The following ATP13A4 variants were observed in gnomAD, a reference collection of about 807,000 sequenced individuals.
The protein encoded by ATP13A4 is ATPase 13A4.
In ATP13A4, 114 loss-of-function variants were observed where a neutral mutation model predicts 142.5. The observed-to-expected ratio is 0.80, with a 90% CI of 0.69 to 0.93. The LOEUF (loss-of-function observed/expected upper bound fraction) is 0.93, where lower values mean the gene tolerates loss of function less well. Among genes scored for constraint, ATP13A4 ranks in the 40% least tolerant of loss-of-function variants. The pLI is 0.00. For synonymous variants in ATP13A4, 488 were observed against 514.8 expected (o/e 0.95, Z 0.70); for missense variants, 1,392 against 1,454.0 (o/e 0.96, Z 0.69).
Position 193,493,129 on chromosome 3 carries a change from T to G in ATP13A4, c.413A>C (p.Tyr138Ser). Reference protein sequence around the residue: ...VRCIKVQKIRYVWNYLEGQFQ... With the variant: ...VRCIKVQKIRSVWNYLEGQFQ... ...CTGTCCTTCTAAGTAGTTCCAAACA[T>G]ATCTTATTTTCTGCACTTTGATGCA... Residue 138 changes from tyrosine (Y) to serine (S), a missense_variant, in exon 4 of 30, where the codon TAT becomes TCT. Transcript: ENST00000342695. 1 of 1,613,252 alleles carries G rather than the reference T, an allele frequency of 6.2e-7. No individual in the cohort carries two copies. The highest frequency in any genetic ancestry group is 8.5e-7 in the Non-Finnish European group (1 of 1,179,642).
intron 1 of ATP13A4, 47 bp downstream of exon 1, chr3:193,554,693 A>G: frequency 6.4e-7 from 1 of 1,558,158 alleles, no homozygotes; most frequent in Non-Finnish European, 8.8e-7. Context: ...TGTGTCTCGC[A>G]GGCTGAGAAG....
intron 2 of ATP13A4, among the ~76,000 whole-genome samples, chr3:193,565,373 G>A (rs1398381911): frequency 1.3e-5 from 2 of 152,078 alleles, no homozygotes; most frequent in Admixed American, 6.6e-5. Flanking sequence ...GTTATTTTGG[G>A]GTACTTTTTC....
At chr3:193,432,070 A>G (rs1446486673) in intron 25 of ATP13A4, among the ~76,000 whole-genome samples, 6 of 151,972 alleles carry the variant, frequency 3.9e-5, no homozygotes, top group Admixed American at 3.9e-4. Flanking sequence ...AAAAGAAAGA[A>G]GATATGAGAA....
chr3:193,431,314 A>ACTGTTTGAGTTC (rs55707146), intron 25 of ATP13A4, among the ~76,000 whole-genome samples: 1 of 151,774 alleles, frequency 6.6e-6, no homozygotes. Flanking sequence ...CTGTTTGAGA[A>ACTGTTTGAGTTC]TGTGAAGTTT....
intron 2 of ATP13A4, among the ~76,000 whole-genome samples, chr3:193,567,168 A>C (rs1381576083): frequency 6.6e-6 from 1 of 152,218 alleles, no homozygotes; most frequent in East Asian, 1.9e-4. Flanking sequence ...AATATTTGAA[A>C]ATGATAATTA....
chr3:193,463,424 TAA>T (rs11336311), intron 12 of ATP13A4, among the ~76,000 whole-genome samples: 2,265 of 95,920 alleles, frequency 0.024, 41 homozygotes, highest in East Asian at 0.093. Context: ...TGCTATTTGG[TAA>T]AAAAAAAAAA....
chr3:193,410,889 A>C, intron 28 of ATP13A4, 93 bp downstream of exon 28: 1 of 862,800 alleles, frequency 1.2e-6, no homozygotes, highest in Non-Finnish European at 1.9e-6. Context: ...AATTTGTGTC[A>C]AAAATCATGT....
chr3:193,573,307 A>ATGTATATATATATATATT (rs1491575912), intron 2 of ATP13A4, among the ~76,000 whole-genome samples: 8 of 129,876 alleles, frequency 6.2e-5, no homozygotes, highest in South Asian at 2.3e-4. Context: ...ATATATATAT[A>ATGTATATATATATATATT]CATATATATA....
chr3:193,482,101 G>A (rs1719329082), intron 8 of ATP13A4, among the ~76,000 whole-genome samples: 2 of 152,020 alleles, frequency 1.3e-5, no homozygotes, highest in Admixed American at 6.6e-5. Flanking sequence ...AAGCAAATAG[G>A]TCAATAAGAT....
intron 2 of ATP13A4, among the ~76,000 whole-genome samples, chr3:193,570,660 A>G (rs951984202): frequency 1.3e-5 from 2 of 152,188 alleles, no homozygotes; most frequent in Non-Finnish European, 2.9e-5. Flanking sequence ...TCAGCCTCTT[A>G]GCATATCCTA....
rs372139378 is a variant in ATP13A4 at position 193,437,825 on chromosome 3, ATTT to A, written c.2672+647_2672+649del. ...GTGAGAGCAGCAAAAGCCAATAAAG[ATTT>A]TTTTTTTTTTTTTTTTTTTTTGAGA... On this transcript the variant is annotated intron_variant, in intron 23 of 29. Coordinates refer to ENST00000342695, the MANE Select transcript of ATP13A4 (RefSeq NM_032279.4). Among the ~76,000 whole-genome samples the A allele has an allele frequency of 8.2e-3, 839 of 102,944 alleles. 4 individuals are homozygous for A. The highest frequency in any genetic ancestry group is 9.1e-3 in the Non-Finnish European group (479 of 52,616). 67.5% of individuals were successfully genotyped at this position (102,944 alleles called of 152,430 possible).
At chr3:193,586,551 G>T (rs572604059) in intron 1 of ATP13A4, among the ~76,000 whole-genome samples, 1 of 152,294 alleles carries the variant, frequency 6.6e-6, no homozygotes, top group East Asian at 1.9e-4. Flanking sequence ...AATTTTGTGT[G>T]TAGTATGTGT....
At chr3:193,565,158 C>T (rs758059759) in intron 2 of ATP13A4, among the ~76,000 whole-genome samples, 2 of 152,154 alleles carry the variant, frequency 1.3e-5, no homozygotes, top group East Asian at 1.9e-4. Context: ...CCACCGCCCC[C>T]GACTCCAACA....
At chr3:193,436,692 T>C (rs949914221) in intron 23 of ATP13A4, among the ~76,000 whole-genome samples, 2 of 151,594 alleles carry the variant, frequency 1.3e-5, no homozygotes, top group African/African-American at 4.8e-5. Context: ...CCTCAAGTGA[T>C]CCACCCACCT....
intron 8 of ATP13A4, among the ~76,000 whole-genome samples, chr3:193,473,007 T>G (rs1718711485): frequency 6.6e-6 from 1 of 152,240 alleles, no homozygotes; most frequent in Non-Finnish European, 1.5e-5. Flanking sequence ...CTAGTCTTCT[T>G]GTTTATACAC....
chr3:193,423,213 T>C (rs946007063), intron 25 of ATP13A4, among the ~76,000 whole-genome samples: 15 of 149,440 alleles, frequency 1.0e-4, no homozygotes, highest in African/African-American at 3.4e-4. Context: ...AGGATTTAAT[T>C]AGTAATAAAA....
At chr3:193,440,493 T>C in intron 21 of ATP13A4, 65 bp downstream of exon 21, 2 of 1,608,898 alleles carry the variant, frequency 1.2e-6, no homozygotes, top group Non-Finnish European at 1.7e-6. Flanking sequence ...CTGGTACCTC[T>C]TCCACTCCCC....
intron 1 of ATP13A4, among the ~76,000 whole-genome samples, chr3:193,589,444 A>C (rs1188483748): frequency 6.6e-6 from 1 of 152,144 alleles, no homozygotes; most frequent in Non-Finnish European, 1.5e-5. Context: ...TTTATGTATA[A>C]ATTTAAATAT....
intron 1 of ATP13A4, among the ~76,000 whole-genome samples, chr3:193,548,263 G>A (rs373437441): frequency 6.6e-6 from 1 of 152,094 alleles, no homozygotes; most frequent in Non-Finnish European, 1.5e-5. Flanking sequence ...ATGCAAAATT[G>A]CAGTTAATAG....
Sources: allele counts gnomAD v4.1 joint callset (sites outside exome capture counted in the v4.1 genomes callset), GRCh38; gene constraint gnomAD v4.1.1; transcripts MANE v1.5; gene names NCBI Gene and HGNC (gene_info 2026-07-23, HGNC 2026-07-21).